RASSF8: variants seen among roughly 807,000 people sequenced by gnomAD.
The protein encoded by RASSF8 is Ras association domain family member 8, also known as ras association domain-containing protein 8.
Under a neutral mutation model 48.5 loss-of-function variants are expected in RASSF8, and 22 were observed. The observed-to-expected ratio is 0.45, with a 90% CI of 0.32 to 0.65. RASSF8 has a LOEUF of 0.65. RASSF8 is among the 30% of genes least tolerant of loss of function. The pLI, the probability that RASSF8 is intolerant of heterozygous loss-of-function variation, is 0.03. For synonymous variants in RASSF8, 127 were observed against 171.5 expected (o/e 0.74, Z 2.03); for missense variants, 418 against 489.2 (o/e 0.85, Z 1.37).
chr12:26,035,204 G>A (rs935083619), intron 2 of RASSF8, among the ~76,000 whole-genome samples: 1 of 151,942 alleles, frequency 6.6e-6, no homozygotes, highest in Non-Finnish European at 1.5e-5. Context: ...ATAAGTTGTA[G>A]GGTTTAGTGA....
chr12:26,025,546 G>C (rs1942890677), intron 2 of RASSF8, among the ~76,000 whole-genome samples: 1 of 134,438 alleles, frequency 7.4e-6, no homozygotes, highest in African/African-American at 2.8e-5. Context: ...CTGGGCGACA[G>C]AGTGAGACTC....
downstream of RASSF8, among the ~76,000 whole-genome samples, chr12:26,075,800 C>T (rs780714206): frequency 5.9e-5 from 9 of 152,066 alleles, no homozygotes; most frequent in Non-Finnish European, 1.2e-4. Context: ...CAACAGTCAC[C>T]ACACAAAGGG....
chr12:26,072,554 AAT>A lies in RASSF8; in HGVS notation c.*3738_*3739del, dbSNP rs1177153154. Reference sequence around the variant, plus strand: ...TATGGGGGGAGGGGAAAGATTAAAAAATAGATTTACAGCCAGACATGGTGATA... The same window carrying A: ...TATGGGGGGAGGGGAAAGATTAAAAAAGATTTACAGCCAGACATGGTGATA... On this transcript the variant is annotated 3_prime_UTR_variant, in exon 6 of 6. Transcript: ENST00000689635. 4 of 984,946 alleles carry A rather than the reference AAT, an allele frequency of 4.1e-6. No homozygotes were observed. Among genetic ancestry groups the A allele is most frequent in the Non-Finnish European group, 4.8e-6 (4 of 829,612 alleles). The allele number at this position is 984,946 out of a possible 1,614,324, so 61.0% of individuals were successfully genotyped here. A position where few individuals can be genotyped will look rare whatever the true frequency, so the allele number is the denominator to read the frequency against.
chr12:26,007,390 C>T (rs1004969162), intron 2 of RASSF8, among the ~76,000 whole-genome samples: 1 of 152,216 alleles, frequency 6.6e-6, no homozygotes, highest in Admixed American at 6.5e-5. Flanking sequence ...AAATCTGTCT[C>T]TCAGACCTGG....
At chr12:25,985,709 G>T (rs1228340997) in intron 1 of RASSF8, among the ~76,000 whole-genome samples, 1 of 152,198 alleles carries the variant, frequency 6.6e-6, no homozygotes, top group Admixed American at 6.5e-5. Context: ...TTAGGGAGGG[G>T]TCGCCAAAAT....
At chr12:26,009,991 A>G (rs1245378971) in intron 2 of RASSF8, among the ~76,000 whole-genome samples, 1 of 152,244 alleles carries the variant, frequency 6.6e-6, no homozygotes, top group African/African-American at 2.4e-5. Context: ...ATTGAAAAGA[A>G]AAACTGATGG....
intron 3 of RASSF8, among the ~76,000 whole-genome samples, chr12:26,063,733 G>GTT (rs570771077): frequency 2.3e-4 from 32 of 137,940 alleles, no homozygotes; most frequent in Non-Finnish European, 2.2e-4. Context: ...TTTGCTTTGA[G>GTT]TTTTTTTTTT....
intron 2 of RASSF8, among the ~76,000 whole-genome samples, chr12:26,012,362 A>G (rs1942546494): frequency 6.6e-6 from 1 of 152,238 alleles, no homozygotes. Flanking sequence ...TGAGAAAACC[A>G]AATCTCCTCT....
chr12:25,988,233 T>C (rs1441529150), intron 1 of RASSF8, among the ~76,000 whole-genome samples: 1 of 152,162 alleles, frequency 6.6e-6, no homozygotes, highest in African/African-American at 2.4e-5. Context: ...AGGCTCTTTT[T>C]AAAATAAGTT....
At chr12:26,002,555 C>T (rs1053332807) in intron 2 of RASSF8, among the ~76,000 whole-genome samples, 2 of 152,294 alleles carry the variant, frequency 1.3e-5, no homozygotes, top group South Asian at 4.1e-4. Context: ...GCGGGCAGAT[C>T]ACGAGGTCAG....
intron 1 of RASSF8, among the ~76,000 whole-genome samples, chr12:25,984,721 G>A (rs1251794241): frequency 6.6e-6 from 1 of 152,196 alleles, no homozygotes; most frequent in Non-Finnish European, 1.5e-5. Context: ...CAAGAGGTTG[G>A]ATTAAGAAGG....
At chr12:26,017,644 G>A (rs1054954055) in intron 2 of RASSF8, among the ~76,000 whole-genome samples, 1 of 152,206 alleles carries the variant, frequency 6.6e-6, no homozygotes, top group Admixed American at 6.5e-5. Context: ...AGTGTTGAGG[G>A]AACCTGCTGG....
intron 2 of RASSF8, among the ~76,000 whole-genome samples, chr12:26,012,639 G>A (rs1423737481): frequency 1.4e-5 from 2 of 146,864 alleles, no homozygotes; most frequent in African/African-American, 5.0e-5. Context: ...ATCCAGATTT[G>A]TTTTTTCTGG....
rs1944007723 is a variant in RASSF8, at chr12:26,071,866, CAAG to C, written c.*3051_*3053del. 3 of 984,216 alleles carry C rather than the reference CAAG, an allele frequency of 3.0e-6. No individual in the cohort carries two copies. The highest frequency in any genetic ancestry group is 1.2e-4 in the Admixed American group (2 of 16,230). The allele number at this position is 984,216 out of a possible 1,614,324, so 61.0% of individuals were successfully genotyped here. Reference sequence around the variant, plus strand: ...AAATATGAAGTATAGCAATATATAACAAGAACATGTAAGCACTTGCTTCCACAG... The same window carrying C: ...AAATATGAAGTATAGCAATATATAACAACATGTAAGCACTTGCTTCCACAG... On this transcript the variant is annotated 3_prime_UTR_variant, in exon 6 of 6. Coordinates refer to ENST00000689635, the MANE Select transcript of RASSF8 (RefSeq NM_001394098.1).
intron 3 of RASSF8, among the ~76,000 whole-genome samples, chr12:26,061,945 C>G (rs538204555): frequency 1.3e-5 from 2 of 152,236 alleles, no homozygotes; most frequent in East Asian, 3.9e-4. Flanking sequence ...AAATAACCTT[C>G]CAAGACATTC....
At chr12:26,052,533 A>G (rs1278178214) in intron 2 of RASSF8, 7 of 152,154 alleles carry the variant, frequency 4.6e-5, no homozygotes, top group African/African-American at 7.2e-5. Context: ...CCAAATTCCA[A>G]TTGGAGTGTC....
intron 2 of RASSF8, among the ~76,000 whole-genome samples, chr12:26,045,924 G>C (rs1943363881): frequency 6.6e-6 from 1 of 152,158 alleles, no homozygotes; most frequent in Non-Finnish European, 1.5e-5. Context: ...TAGACAAAAA[G>C]TCCCTAATCA....
intron 3 of RASSF8, among the ~76,000 whole-genome samples, chr12:26,057,829 G>A (rs1241531865): frequency 6.6e-6 from 1 of 152,196 alleles, no homozygotes; most frequent in African/African-American, 2.4e-5. Context: ...TCCAACTGGT[G>A]TGAGATGGTA....
Position 26,072,437 on chromosome 12 carries a change from T to A in RASSF8, c.*3619T>A, listed in dbSNP as rs554351650. 9.2e-6 allele frequency: 9 copies of A among 975,032 alleles called. No individual in the cohort carries two copies. The African/African-American group carries it at 1.4e-4, about 15-fold the overall frequency. The allele number at this position is 975,032 out of a possible 1,614,324, so 60.4% of individuals were successfully genotyped here. On this transcript the variant is annotated 3_prime_UTR_variant, in exon 6 of 6. Transcript: ENST00000689635. ...AGCTCTTTTCAATGCATTTTATATA[T>A]TTTTAGAAACCAAATAAATGCAGAA... is the stretch of plus-strand genomic sequence containing the variant.
Sources: gnomAD v4.1 joint callset for allele counts (sites outside exome capture counted in the v4.1 genomes callset) on GRCh38, gnomAD v4.1.1 for gene constraint, MANE v1.5 for transcripts, NCBI Gene and HGNC (gene_info 2026-07-23, HGNC 2026-07-21) for gene names.